Variants in GSDMC observed in about 807,000 individuals in gnomAD.
GSDMC encodes the protein gasdermin-C.
A neutral mutation model predicts 58.0 loss-of-function variants in GSDMC; 59 were observed. The observed-to-expected ratio is 1.02, with a 90% CI of 0.82 to 1.26. The LOEUF (loss-of-function observed/expected upper bound fraction) is 1.26. Among genes scored for constraint, GSDMC ranks in the 50% most tolerant of loss-of-function variants. The pLI is 0.00. For missense variants in GSDMC, 659 were observed against 598.5 expected (o/e 1.10, Z -1.06); for synonymous variants, 241 against 220.2 (o/e 1.09, Z -0.83).
intron 13 of GSDMC, 60 bp from the exon 14 acceptor site, chr8:129,748,800 C>T: frequency 7.1e-7 from 1 of 1,403,912 alleles, no homozygotes; most frequent in African/African-American, 1.5e-5. Flanking sequence ...GAGAAGGCTT[C>T]TGCCCCAGTA....
chr8:129,777,230 T>A (rs2034263000), intron 2 of GSDMC, 138 bp downstream of exon 2: 1 of 591,964 alleles, frequency 1.7e-6, no homozygotes, highest in Non-Finnish European at 3.0e-6. Flanking sequence ...TGTCTTCGTT[T>A]CTTGCCCCTT....
the GSDMC span, among the ~76,000 whole-genome samples, chr8:129,742,378 TA>T: frequency 3.3e-5 from 5 of 152,226 alleles, no homozygotes; most frequent in African/African-American, 1.2e-4. Context: ...TTTTGCCCCA[TA>T]AAAATATACA....
the GSDMC span, among the ~76,000 whole-genome samples, chr8:129,726,049 T>C: frequency 6.6e-6 from 1 of 152,160 alleles, no homozygotes; most frequent in Non-Finnish European, 1.5e-5. Flanking sequence ...TATGGAAAAA[T>C]ATTTGAAACT....
chr8:129,752,220 C>T, intron 7 of GSDMC, 73 bp from the exon 8 acceptor site: 2 of 1,184,230 alleles, frequency 1.7e-6, no homozygotes, highest in Non-Finnish European at 2.5e-6. Flanking sequence ...TACTTCTTTC[C>T]CTCTTGGTCT....
downstream of GSDMC, among the ~76,000 whole-genome samples, chr8:129,746,144 G>A (rs2032957255): frequency 6.6e-6 from 1 of 152,056 alleles, no homozygotes; most frequent in Non-Finnish European, 1.5e-5. Context: ...AGAGAGTGGA[G>A]GAATCAATTC....
rs765130621 is a variant in GSDMC at position 129,776,059 on chromosome 8, T to A, written c.404+43A>T. 6.1e-6 allele frequency: 9 copies of A among 1,467,934 alleles called. No individual in the cohort carries two copies. In the African/African-American group the frequency reaches 7.0e-5, roughly 11 times the overall value. The allele number at this position is 1,467,934 out of a possible 1,614,324, so 90.9% of individuals were successfully genotyped here. On this transcript the variant is annotated intron_variant, in intron 3 of 13. Transcript: ENST00000276708. Reference sequence around the variant, plus strand: ...TTTTGTGTTCAAGGAAAACACCCCCTGGGATACTGATGATCCATCCCCTTC... The same window carrying A: ...TTTTGTGTTCAAGGAAAACACCCCCAGGGATACTGATGATCCATCCCCTTC...
At chr8:129,722,729 C>T in the GSDMC span, among the ~76,000 whole-genome samples, 1 of 152,294 alleles carries the variant, frequency 6.6e-6, no homozygotes, top group East Asian at 1.9e-4. Flanking sequence ...AAATGCCAAA[C>T]AATGTCTTTC....
chr8:129,726,699 G>A, the GSDMC span, among the ~76,000 whole-genome samples: 2 of 151,936 alleles, frequency 1.3e-5, no homozygotes, highest in Non-Finnish European at 2.9e-5. Context: ...ACTGTGCGTG[G>A]ACGATTAGAG....
At chr8:129,730,339 T>C in the GSDMC span, 8 of 1,332,376 alleles carry the variant, frequency 6.0e-6, no homozygotes, top group South Asian at 9.1e-5. Context: ...CTGCATGATC[T>C]TGAAACTGTT....
chr8:129,769,207 G>A (rs866896279), intron 3 of GSDMC, among the ~76,000 whole-genome samples: 1 of 151,740 alleles, frequency 6.6e-6, no homozygotes, highest in Non-Finnish European at 1.5e-5. Context: ...ACCCAAAAGG[G>A]TCTACACCAA....
intron 3 of GSDMC, among the ~76,000 whole-genome samples, chr8:129,768,635 C>T (rs1233810929): frequency 6.6e-6 from 1 of 152,044 alleles, no homozygotes; most frequent in African/African-American, 2.4e-5. Context: ...GACTCAAAGA[C>T]AATTTGAAAT....
At chr8:129,724,641 CTA>C in the GSDMC span, among the ~76,000 whole-genome samples, 1 of 151,350 alleles carries the variant, frequency 6.6e-6, no homozygotes. Flanking sequence ...GTATAGAAAA[CTA>C]TATATGTTCA....
chr8:129,752,397 A>G (rs1458890334), intron 7 of GSDMC, among the ~76,000 whole-genome samples: 2 of 152,172 alleles, frequency 1.3e-5, no homozygotes, highest in Non-Finnish European at 2.9e-5. Flanking sequence ...CCCAGGGGAC[A>G]GTGGCTGGGT....
chr8:129,751,159 T>G (rs537789858), intron 10 of GSDMC, among the ~76,000 whole-genome samples: 49 of 152,278 alleles, frequency 3.2e-4, no homozygotes, highest in African/African-American at 1.2e-3. Flanking sequence ...TTGGCACATA[T>G]AAGCTACCCT....
chr8:129,762,740 A>G lies in GSDMC; in HGVS notation c.571-9T>C. ...TCTCCTTGGCCTTGACCCTGGGGAG[A>G]GAAACCAGACAATACAGTATTAAAT... On this transcript the variant is annotated splice_polypyrimidine_tract_variant and intron_variant, in intron 4 of 13. Transcript: ENST00000276708. The G allele has an allele frequency of 5.7e-6, 9 of 1,571,688 alleles. No homozygotes were observed. The highest frequency in any genetic ancestry group is 7.9e-6 in the Non-Finnish European group (9 of 1,141,436).
chr8:129,728,277 A>ATAAGAAGC, the GSDMC span, among the ~76,000 whole-genome samples: 2 of 152,046 alleles, frequency 1.3e-5, no homozygotes, highest in Non-Finnish European at 2.9e-5. Flanking sequence ...ACTCAACTTG[A>ATAAGAAGC]TAAGAAGCCT....
At position 129,777,022 on chromosome 8, in the gene GSDMC, G is replaced by A. The variant is rs191423015; in HGVS notation, c.220+346C>T. Among the ~76,000 whole-genome samples the A allele has an allele frequency of 3.6e-3, 547 of 151,754 alleles. 5 individuals carry two copies. Among genetic ancestry groups the A allele is most frequent in the African/African-American group, 0.01 (417 of 41,328 alleles). On this transcript the variant is annotated intron_variant, in intron 2 of 13. Coordinates refer to ENST00000276708, the MANE Select transcript of GSDMC (RefSeq NM_031415.3). ...TGGCCTCAAGTGATCTGCCCGCCTC[G>A]GTCTCCCAAAGCACTGGGATTATAG...
chr8:129,771,634 A>G (rs2034052354), intron 3 of GSDMC, among the ~76,000 whole-genome samples: 1 of 152,170 alleles, frequency 6.6e-6, no homozygotes, highest in African/African-American at 2.4e-5. Context: ...CAACATATCA[A>G]AACTTATGGG....
chr8:129,774,007 A>G (rs1010470642), intron 3 of GSDMC, among the ~76,000 whole-genome samples: 3 of 152,186 alleles, frequency 2.0e-5, no homozygotes, highest in South Asian at 4.1e-4. Context: ...TACAGATTCA[A>G]TGCAATTCTT....
Sources: allele counts gnomAD v4.1 joint callset (sites outside exome capture counted in the v4.1 genomes callset), GRCh38; gene constraint gnomAD v4.1.1; transcripts MANE v1.5; gene names NCBI Gene and HGNC (gene_info 2026-07-23, HGNC 2026-07-21).